DGKH: variants seen among roughly 807,000 people sequenced by gnomAD.
DGKH encodes the protein diacylglycerol kinase eta, also known as DAG kinase eta.
Under a neutral mutation model 159.3 loss-of-function variants are expected in DGKH, and 90 were observed. The observed-to-expected ratio is 0.57, with a 90% confidence interval of 0.48 to 0.67. The LOEUF (loss-of-function observed/expected upper bound fraction) is 0.67. DGKH is among the 30% of genes least tolerant of loss of function. The pLI is 0.00. For synonymous variants in DGKH, 536 were observed against 553.8 expected, an observed-to-expected ratio of 0.97 and a Z score of 0.45; for missense variants, 1,181 against 1,506.1, an observed-to-expected ratio of 0.78 and a Z score of 3.57.
At chr13:42,044,692 G>T (rs533853069), upstream of DGKH, among the ~76,000 whole-genome samples, 1 of 152,146 alleles carries the variant, frequency 6.6e-6, no homozygotes, top group Admixed American at 6.5e-5. Context: ...TTAAATAAAC[G>T]ATCAGCCTTA....
At chr13:42,041,059 T>G (rs922432733) in intron 1 of DGKH, among the ~76,000 whole-genome samples, 6 of 151,814 alleles carry the variant, frequency 4.0e-5, no homozygotes, top group Non-Finnish European at 7.4e-5. Context: ...CCAGCCGGGT[T>G]AGCGCTTCCT....
intron 1 of DGKH, among the ~76,000 whole-genome samples, chr13:42,050,452 A>G (rs1397162990): frequency 2.6e-5 from 4 of 152,200 alleles, no homozygotes; most frequent in Admixed American, 2.0e-4. Context: ...TGTTGACAAG[A>G]TGCACTTACT....
In DGKH at chr13:42,233,697, C is replaced by T. The variant is rs1335609203; in HGVS notation, c.*4509C>T. ...CCAACACAGCTAGCCTCTCTCTAGC[C>T]CTCCCTCCACCTCTAAGTCACTAAC... is the stretch of plus-strand genomic sequence containing the variant. On this transcript the variant is annotated 3_prime_UTR_variant, in exon 30 of 30. Transcript: ENST00000337343. 3.3e-5 allele frequency: 5 copies of T among 152,200 alleles called. No homozygotes were observed. The allele number at this position is 152,200 out of a possible 1,614,324, so 9.4% of individuals were successfully genotyped here.
At chr13:42,116,935 G>T (rs934663366) in intron 1 of DGKH, among the ~76,000 whole-genome samples, 4 of 152,128 alleles carry the variant, frequency 2.6e-5, no homozygotes, top group African/African-American at 9.7e-5. Context: ...TTCAAAGTCA[G>T]GTTCATTGAT....
intron 18 of DGKH, among the ~76,000 whole-genome samples, chr13:42,199,113 A>G (rs1224382591): frequency 1.3e-5 from 2 of 152,208 alleles, no homozygotes; most frequent in Non-Finnish European, 2.9e-5. Flanking sequence ...AAACGTTCCA[A>G]AACACCTGGA....
intron 1 of DGKH, among the ~76,000 whole-genome samples, chr13:42,109,021 C>T (rs945991831): frequency 1.3e-5 from 2 of 151,958 alleles, no homozygotes; most frequent in Admixed American, 6.6e-5. Flanking sequence ...GGAGAGAGAA[C>T]GATTAGAGAT....
In DGKH at chr13:42,210,499, G is replaced by A. The variant is rs17520714; in HGVS notation, c.2851-103G>A. 0.14 allele frequency: 151,927 copies of A among 1,088,220 alleles called. 12,091 individuals carry two copies. The highest frequency in any genetic ancestry group is 0.16 in the Non-Finnish European group (122,906 of 755,072). 67.4% of individuals were successfully genotyped at this position (1,088,220 alleles called of 1,614,324 possible). On this transcript the variant is annotated intron_variant, in intron 23 of 29. Transcript: ENST00000337343. ...TTTTTTATACTTGTGATTTATTTGA[G>A]GAGTCATTAGAGAAAAAGCAATTGT...
At chr13:42,164,895 T>C (rs961563508) in intron 7 of DGKH, among the ~76,000 whole-genome samples, 1 of 152,220 alleles carries the variant, frequency 6.6e-6, no homozygotes, top group African/African-American at 2.4e-5. Flanking sequence ...TTTATCTTTG[T>C]TAAATTTTAT....
chr13:42,120,794 A>T (rs1955052340), intron 1 of DGKH, among the ~76,000 whole-genome samples: 1 of 152,138 alleles, frequency 6.6e-6, no homozygotes, highest in Non-Finnish European at 1.5e-5. Context: ...CTAAAATTGT[A>T]TGTAATTTTT....
chr13:42,194,728 C>T (rs1022147248), intron 16 of DGKH, among the ~76,000 whole-genome samples, 157 bp from the exon 17 acceptor site: 3 of 152,130 alleles, frequency 2.0e-5, no homozygotes, highest in African/African-American at 7.2e-5. Flanking sequence ...TTATTCCCTC[C>T]ATGTAAGTCT....
At chr13:42,099,589 G>A (rs1408148016) in intron 1 of DGKH, among the ~76,000 whole-genome samples, 1 of 152,204 alleles carries the variant, frequency 6.6e-6, no homozygotes, top group Non-Finnish European at 1.5e-5. Flanking sequence ...AGGTGAAGCA[G>A]CACTGGTAGT....
chr13:42,041,976 A>G (rs1398541313), intron 1 of DGKH, among the ~76,000 whole-genome samples: 2 of 152,052 alleles, frequency 1.3e-5, no homozygotes, highest in African/African-American at 4.8e-5. Context: ...CTTTTCTAGT[A>G]TATACGCTCT....
intron 12 of DGKH, among the ~76,000 whole-genome samples, chr13:42,177,926 A>G (rs1423077269): frequency 1.3e-5 from 2 of 152,196 alleles, no homozygotes; most frequent in South Asian, 2.1e-4. Flanking sequence ...ATGGATTTCT[A>G]TAAGAATATA....
intron 24 of DGKH, among the ~76,000 whole-genome samples, chr13:42,212,079 A>T (rs766732112): frequency 5.9e-5 from 9 of 152,178 alleles, no homozygotes; most frequent in Non-Finnish European, 1.3e-4. Context: ...CCACACCTTC[A>T]TCTGGTCACT....
chr13:42,088,789 G>A (rs1364524149), intron 1 of DGKH, among the ~76,000 whole-genome samples: 1 of 152,162 alleles, frequency 6.6e-6, no homozygotes, highest in Admixed American at 6.5e-5. Context: ...CACATTAATT[G>A]TAAGTTTTCT....
At chr13:42,225,460 G>C (rs1190980596) in intron 29 of DGKH, 1 of 908,720 alleles carries the variant, frequency 1.1e-6, no homozygotes, top group Non-Finnish European at 1.6e-6. Flanking sequence ...TGTTTATCCA[G>C]GGAAAGAGAA....
At chr13:42,223,777 T>TAC (rs574332342) in intron 29 of DGKH, among the ~76,000 whole-genome samples, 7 of 151,890 alleles carry the variant, frequency 4.6e-5, no homozygotes, top group African/African-American at 1.7e-4. Context: ...TGAATATATA[T>TAC]ATATATGGAT....
chr13:42,247,229 C>CTTTT (rs71096565), downstream of DGKH, among the ~76,000 whole-genome samples: 1 of 101,428 alleles, frequency 9.9e-6, no homozygotes, highest in African/African-American at 3.4e-5. Flanking sequence ...ACTATGTATA[C>CTTTT]TTTTTTTTTT....
At chr13:42,219,098 TATTCCTTA>T in intron 26 of DGKH, 124 bp from the exon 27 acceptor site, 1 of 1,137,678 alleles carries the variant, frequency 8.8e-7, no homozygotes, top group South Asian at 2.2e-5. Flanking sequence ...CTTCTCTTAA[TATTCCTTA>T]ATTTAAAAAA....
Sources: allele counts gnomAD v4.1 joint callset (sites outside exome capture counted in the v4.1 genomes callset), GRCh38; gene constraint gnomAD v4.1.1; transcripts MANE v1.5; gene names NCBI Gene and HGNC (gene_info 2026-07-23, HGNC 2026-07-21).